Variants in XK observed in about 807,000 individuals in gnomAD.
The protein encoded by XK is endoplasmic reticulum membrane adapter protein XK.
XK carries 2 observed loss-of-function variants against 14.0 expected under a neutral mutation model. The observed-to-expected ratio is 0.14, with a 90% CI of 0.06 to 0.45. The LOEUF (loss-of-function observed/expected upper bound fraction) is 0.45. XK is among the 20% of genes least tolerant of loss of function. The probability of loss-of-function intolerance (pLI) is 0.98; values close to 1 mark genes in which losing one functional copy is unlikely to be tolerated. For missense variants in XK, 235 were observed against 341.5 expected (o/e 0.69, Z 2.46); for synonymous variants, 149 against 147.5 (o/e 1.01, Z -0.08).
Position 37,686,092 on chromosome X carries a change from C to T in XK, c.131C>T (p.Ser44Leu). 1.7e-6 allele frequency: 2 copies of T among 1,211,885 alleles called. No homozygotes were observed. The highest frequency in any genetic ancestry group is 3.0e-5 in the East Asian group (1 of 33,842). ...TGGCAGGCGCTGACGTTGCTTTTCT[C>T]GCTACTGCCTTGCGCGCTCGTGCAG... is the stretch of plus-strand genomic sequence containing the variant. ...RMWQALTLLFSLLPCALVQLT... is the reference protein window; with the variant it reads ...RMWQALTLLFLLLPCALVQLT... Residue 44 changes from serine (S) to leucine (L), a missense_variant, in exon 1 of 3, where the codon TCG becomes TTG. Ser to Leu is a moderately radical substitution (Grantham distance 145). Transcript: ENST00000378616.
At chrX:37,709,248 G>A (rs1382426769) in intron 2 of XK, among the ~76,000 whole-genome samples, 2 of 111,755 alleles carry the variant, frequency 1.8e-5, no homozygotes, top group South Asian at 3.7e-4. Context: ...ATCTTACTTA[G>A]AAATGATCTA....
chrX:37,724,381 G>T (rs1927937040), intron 2 of XK, among the ~76,000 whole-genome samples: 1 of 110,943 alleles, frequency 9.0e-6, no homozygotes, highest in South Asian at 3.7e-4. Context: ...CCTATAAATA[G>T]ACCCACATAA....
intron 2 of XK, among the ~76,000 whole-genome samples, chrX:37,709,501 A>G (rs1358247420): frequency 4.4e-5 from 5 of 112,371 alleles, no homozygotes; most frequent in Non-Finnish European, 7.5e-5. Flanking sequence ...ATAAAAATAT[A>G]TGCTTGTATT....
At chrX:37,698,830 C>T (rs1313074418) in intron 2 of XK, among the ~76,000 whole-genome samples, 1 of 111,470 alleles carries the variant, frequency 9.0e-6, no homozygotes, top group African/African-American at 3.3e-5. Flanking sequence ...GATAAGTAGC[C>T]TCTCTGAGGG....
chrX:37,717,732 A>G (rs1052532022), intron 2 of XK, among the ~76,000 whole-genome samples: 19 of 111,835 alleles, frequency 1.7e-4, no homozygotes, highest in Non-Finnish European at 3.6e-4. Flanking sequence ...AAGAGTCCTC[A>G]ATTTTTGACT....
intron 2 of XK, among the ~76,000 whole-genome samples, chrX:37,695,857 C>T (rs2146813258): frequency 8.9e-6 from 1 of 111,968 alleles, no homozygotes; most frequent in East Asian, 2.8e-4. Context: ...ATACTTTCCG[C>T]AACACCTGGT....
At chrX:37,711,731 A>T (rs1927671407) in intron 2 of XK, among the ~76,000 whole-genome samples, 1 of 111,614 alleles carries the variant, frequency 9.0e-6, no homozygotes, top group Non-Finnish European at 1.9e-5. Context: ...TCAGTTTGAG[A>T]GTAGTCATCT....
Position 37,685,799 on chromosome X carries a change from G to C in XK, c.-163G>C. On this transcript the variant is annotated 5_prime_UTR_variant, in exon 1 of 3. Coordinates refer to ENST00000378616, the MANE Select transcript of XK (RefSeq NM_021083.4). ...CCACCAGGTCCAGTTCCAGAGCCCA[G>C]GCCGGTCGGCCGGGCCCGCGTGCCC... is the stretch of plus-strand genomic sequence containing the variant. 3.3e-6 allele frequency: 1 copy of C among 305,628 alleles called. No individual in the cohort carries two copies. Among genetic ancestry groups the C allele is most frequent in the Non-Finnish European group, 4.6e-6 (1 of 217,071 alleles). The allele number at this position is 305,628 out of a possible 1,213,427, so 25.2% of individuals were successfully genotyped here.
intron 1 of XK, among the ~76,000 whole-genome samples, chrX:37,691,249 A>G (rs187443428): frequency 1.8e-5 from 2 of 112,161 alleles, no homozygotes; most frequent in East Asian, 2.8e-4. Context: ...CTGAACCCTC[A>G]TTTCGTTCAT....
chrX:37,693,232 A>G (rs1458422668), intron 1 of XK, among the ~76,000 whole-genome samples: 4 of 112,276 alleles, frequency 3.6e-5, no homozygotes, highest in Admixed American at 9.4e-5. Context: ...TGGCAGCATC[A>G]TAAGGTTGTT....
At chrX:37,702,222 G>A (rs782578913) in intron 2 of XK, among the ~76,000 whole-genome samples, 3 of 111,301 alleles carry the variant, frequency 2.7e-5, no homozygotes, top group Non-Finnish European at 5.7e-5. Flanking sequence ...CTGGGCTAAG[G>A]CTGGGAGTGC....
intron 2 of XK, among the ~76,000 whole-genome samples, chrX:37,717,081 G>A: frequency 9.0e-6 from 1 of 111,574 alleles, no homozygotes; most frequent in East Asian, 2.8e-4. Context: ...TGAAATTTGG[G>A]CTCAGTGGAA....
At chrX:37,719,333 T>G (rs902031771) in intron 2 of XK, among the ~76,000 whole-genome samples, 1 of 111,889 alleles carries the variant, frequency 8.9e-6, no homozygotes, top group Non-Finnish European at 1.9e-5. Context: ...ACTTGAGTTT[T>G]GTAGCATTTC....
At position 37,685,967 on chromosome X, in the gene XK, A is replaced by G. The variant is rs1384887725; in HGVS notation, c.6A>G (p.Lys2=). M[K]FPASVLASVF... is the part of the protein sequence containing the mutation. ...AGCGCCGCTGACGCGCGGAGATGAA[A>G]TTCCCGGCCTCGGTGCTGGCGTCCG... is the stretch of plus-strand genomic sequence containing the variant. Residue 2 remains lysine, a synonymous_variant, in exon 1 of 3, where the codon AAA becomes AAG. Coordinates refer to ENST00000378616, the MANE Select transcript of XK (RefSeq NM_021083.4). 2.5e-6 allele frequency: 3 copies of G among 1,205,358 alleles called. No homozygotes were observed. Among genetic ancestry groups the G allele is most frequent in the Admixed American group, 2.2e-5 (1 of 45,810 alleles).
Position 37,707,780 on chromosome X carries a change from C to T in XK, c.508+13232C>T, listed in dbSNP as rs1316018699. On this transcript the variant is annotated intron_variant, in intron 2 of 2. Transcript: ENST00000378616. Reference sequence around the variant, plus strand: ...CAGATGATGGGCGGCCAGGCAGAGACGCTCCTCACTTCCCAGATGGGGTGG... The same window carrying T: ...CAGATGATGGGCGGCCAGGCAGAGATGCTCCTCACTTCCCAGATGGGGTGG... 6.3e-5 allele frequency among the ~76,000 whole-genome samples: 7 copies of T among 111,430 alleles called. No individual in the cohort carries two copies. The South Asian group carries it at 1.5e-3, about 24-fold the overall frequency.
intron 1 of XK, among the ~76,000 whole-genome samples, chrX:37,690,594 T>C (rs1556441095): frequency 9.0e-6 from 1 of 111,660 alleles, no homozygotes; most frequent in Non-Finnish European, 1.9e-5. Context: ...TAGCAAACTG[T>C]ACCCCACAGG....
chrX:37,691,767 C>A, intron 1 of XK, among the ~76,000 whole-genome samples: 1 of 112,024 alleles, frequency 8.9e-6, no homozygotes, highest in Non-Finnish European at 1.9e-5. Flanking sequence ...TAATTTGCTT[C>A]TTTCACATAC....
intron 1 of XK, among the ~76,000 whole-genome samples, chrX:37,687,225 ACG>A (rs1491114070): frequency 2.9e-4 from 30 of 103,044 alleles, no homozygotes; most frequent in African/African-American, 9.8e-4. Flanking sequence ...ACACACACAC[ACG>A]CACACACACA....
At chrX:37,688,524 C>T (rs369189046) in intron 1 of XK, among the ~76,000 whole-genome samples, 4 of 111,879 alleles carry the variant, frequency 3.6e-5, no homozygotes, top group East Asian at 5.5e-4. Context: ...ATGACATAGA[C>T]GTAATTGTCC....
Sources: allele counts gnomAD v4.1 joint callset (sites outside exome capture counted in the v4.1 genomes callset), GRCh38; gene constraint gnomAD v4.1.1; transcripts MANE v1.5; gene names NCBI Gene and HGNC (gene_info 2026-07-23, HGNC 2026-07-21).